The following DHX9 variants were observed in gnomAD, a reference collection of about 807,000 sequenced individuals.
The protein encoded by DHX9 is DExH-box helicase 9.
DHX9 carries 27 observed loss-of-function variants against 148.7 expected under a neutral mutation model. The observed-to-expected ratio is 0.18, with a 90% confidence interval of 0.13 to 0.25. DHX9 has a LOEUF of 0.25. Among genes scored for constraint, DHX9 ranks in the 10% least tolerant of loss-of-function variants. The pLI is 1.00. For missense variants in DHX9, 796 were observed against 1,559.6 expected (o/e 0.51, Z 8.25); for synonymous variants, 529 against 516.6 (o/e 1.02, Z -0.33).
chr1:182,845,100 C>G (rs554351256), intron 3 of DHX9, among the ~76,000 whole-genome samples: 1 of 152,156 alleles, frequency 6.6e-6, no homozygotes, highest in Non-Finnish European at 1.5e-5. Context: ...ACTTACTTTC[C>G]GGTAGATTAA....
intron 12 of DHX9, among the ~76,000 whole-genome samples, chr1:182,863,803 T>TC (rs567289890): frequency 6.6e-6 from 1 of 152,040 alleles, no homozygotes; most frequent in African/African-American, 2.4e-5. Flanking sequence ...ATTTTTTTTT[T>TC]TTACTGCTTT....
At chr1:182,882,782 A>G (rs574075459) in intron 24 of DHX9, among the ~76,000 whole-genome samples, 7 of 151,568 alleles carry the variant, frequency 4.6e-5, no homozygotes, top group South Asian at 4.2e-4. Flanking sequence ...GGAGAATGGC[A>G]TGAACCCGGG....
intron 15 of DHX9, 129 bp downstream of exon 15, chr1:182,872,622 CAT>C: frequency 9.5e-7 from 1 of 1,053,476 alleles, no homozygotes; most frequent in Non-Finnish European, 1.4e-6. Context: ...TCAAATGTAT[CAT>C]AGCATTTTTG....
intron 1 of DHX9, chr1:182,839,660 C>G (rs575179423): frequency 0.018 from 2,696 of 152,278 alleles, 70 homozygotes; most frequent in African/African-American, 0.056. Context: ...GTCCGGGCAG[C>G]CTGTGGCCCC....
rs1648759566 is a variant in DHX9, at chr1:182,876,351, T to C, written c.2029+88T>C. ...GCCAGTATGTGAAAACAAAATTTTG[T>C]ATTGTTTCTACTTTCGAATAAAAAT... On this transcript the variant is annotated intron_variant, in intron 17 of 27. Transcript: ENST00000367549. The C allele has an allele frequency of 8.3e-6, 13 of 1,563,898 alleles. No homozygotes were observed. In the East Asian group the frequency reaches 2.9e-4, roughly 35 times the overall value.
rs1649399722 is a variant in DHX9, at chr1:182,887,707, T to C, written c.*273T>C. 3 of 368,776 alleles carry C rather than the reference T, an allele frequency of 8.1e-6. No homozygotes were observed. The highest frequency in any genetic ancestry group is 8.0e-4 in the Middle Eastern group (1 of 1,254). 22.8% of individuals were successfully genotyped at this position (368,776 alleles called of 1,614,324 possible). A position where few individuals can be genotyped will look rare whatever the true frequency, so the allele number is the denominator to read the frequency against. On this transcript the variant is annotated 3_prime_UTR_variant, in exon 28 of 28. Transcript: ENST00000367549. Reference sequence around the variant, plus strand: ...GCCTTTAAATAACTTGGTATTTTCCTGGCTTTCGTTTAATACAATAGAAAA... The same window carrying C: ...GCCTTTAAATAACTTGGTATTTTCCCGGCTTTCGTTTAATACAATAGAAAA...
intron 12 of DHX9, 197 bp downstream of exon 12, chr1:182,860,381 A>G (rs548344368): frequency 5.4e-6 from 2 of 368,686 alleles, no homozygotes; most frequent in Non-Finnish European, 9.5e-6. Context: ...AAACTGGACT[A>G]TGTGAGGGAT....
intron 1 of DHX9, among the ~76,000 whole-genome samples, chr1:182,841,136 A>G (rs1048427864): frequency 6.6e-6 from 1 of 152,036 alleles, no homozygotes. Context: ...CTAAAAATAC[A>G]AAAAATTAGC....
intron 15 of DHX9, among the ~76,000 whole-genome samples, chr1:182,873,522 GTTTC>G (rs1202333264): frequency 1.3e-5 from 2 of 152,336 alleles, no homozygotes; most frequent in Admixed American, 6.5e-5. Flanking sequence ...TGGGAGCTCA[GTTTC>G]TTACTACTAG....
intron 12 of DHX9, 125 bp downstream of exon 12, chr1:182,860,309 A>G (rs1668337106): frequency 4.8e-6 from 4 of 837,228 alleles, no homozygotes; most frequent in Non-Finnish European, 7.0e-6. Flanking sequence ...TAAATTTAAA[A>G]AAAGAAAACA....
At position 182,887,527 on chromosome 1, in the gene DHX9, A is replaced by C. The variant is rs1406541473; in HGVS notation, c.*93A>C. 31 of 1,180,380 alleles carry C rather than the reference A, an allele frequency of 2.6e-5. No homozygotes were observed. The highest frequency in any genetic ancestry group is 3.4e-5 in the Non-Finnish European group (29 of 843,706). The allele number at this position is 1,180,380 out of a possible 1,614,324, so 73.1% of individuals were successfully genotyped here. ...TTTTCCAGTATGTTTATTTGCCACC[A>C]AAAAGTAAATGCATTTTCACCCATT... On this transcript the variant is annotated 3_prime_UTR_variant, in exon 28 of 28. Transcript: ENST00000367549.
intron 12 of DHX9, among the ~76,000 whole-genome samples, chr1:182,864,855 G>A (rs1648218450): frequency 6.6e-6 from 1 of 152,132 alleles, no homozygotes; most frequent in African/African-American, 2.4e-5. Context: ...TTTATGGGTA[G>A]TTAAGAACTA....
At chr1:182,854,317 T>A in intron 6 of DHX9, 139 bp downstream of exon 6, 1 of 797,520 alleles carries the variant, frequency 1.3e-6, no homozygotes, top group Non-Finnish European at 1.8e-6. Flanking sequence ...AACGTTAATT[T>A]GCACAAGAAT....
In DHX9 at chr1:182,866,836, T is replaced by G; in HGVS notation, c.1475-125T>G. On this transcript the variant is annotated intron_variant, in intron 13 of 27. Transcript: ENST00000367549. ...ATAGTACACTATCACTTTTTAATAG[T>G]TTAAATGTACATGTGATTATTTTCT... The G allele has an allele frequency of 8.6e-6, 7 of 815,720 alleles. No individual in the cohort carries two copies. In the South Asian group the frequency reaches 1.3e-4, roughly 15 times the overall value. 50.5% of individuals were successfully genotyped at this position (815,720 alleles called of 1,614,324 possible).
At chr1:182,859,006 TTTTG>T in intron 10 of DHX9, 30 bp from the exon 11 acceptor site, 2 of 1,612,426 alleles carry the variant, frequency 1.2e-6, no homozygotes, top group Non-Finnish European at 1.7e-6. Flanking sequence ...AATTATGTGC[TTTTG>T]TTTGACTATG....
chr1:182,869,097 AAC>A (rs1476617620), intron 14 of DHX9, among the ~76,000 whole-genome samples: 3 of 152,204 alleles, frequency 2.0e-5, no homozygotes, highest in African/African-American at 7.2e-5. Context: ...ATTTTTCTAA[AAC>A]AGTAAGTTTT....
At chr1:182,863,077 T>C (rs1288871942) in intron 12 of DHX9, among the ~76,000 whole-genome samples, 1 of 152,238 alleles carries the variant, frequency 6.6e-6, no homozygotes, top group Admixed American at 6.5e-5. Flanking sequence ...TGGAGGACAG[T>C]TGGAACTATT....
rs76388620 is a variant in DHX9 at position 182,880,411 on chromosome 1, G to A, written c.2513-86G>A. On this transcript the variant is annotated intron_variant, in intron 21 of 27. Coordinates refer to ENST00000367549, the MANE Select transcript of DHX9 (RefSeq NM_001357.5). ...CTTGACAAAAGAGGAACTCTAAACT[G>A]TCTTAACCTTAATTTAGAGTAATGT... is the stretch of plus-strand genomic sequence containing the variant. The A allele has an allele frequency of 1.0e-5, 9 of 870,362 alleles. No homozygotes were observed. The African/African-American group carries it at 1.5e-4, about 15-fold the overall frequency. 53.9% of individuals were successfully genotyped at this position (870,362 alleles called of 1,614,324 possible). A position where few individuals can be genotyped will look rare whatever the true frequency, so the allele number is the denominator to read the frequency against.
chr1:182,857,688 TGACC>T, intron 7 of DHX9, among the ~76,000 whole-genome samples: 2 of 152,358 alleles, frequency 1.3e-5, no homozygotes, highest in South Asian at 4.1e-4. Flanking sequence ...ATTTATTAAT[TGACC>T]GTTTATAGAA....
Sources: gnomAD v4.1 joint callset for allele counts (sites outside exome capture counted in the v4.1 genomes callset) on GRCh38, gnomAD v4.1.1 for gene constraint, MANE v1.5 for transcripts, NCBI Gene and HGNC (gene_info 2026-07-23, HGNC 2026-07-21) for gene names.